The following ERP44 variants were observed in gnomAD, a reference collection of about 807,000 sequenced individuals.
ERP44 encodes the protein endoplasmic reticulum protein 44.
Under a neutral mutation model 53.4 loss-of-function variants are expected in ERP44, and 25 were observed. The observed-to-expected ratio is 0.47, with a 90% CI of 0.34 to 0.65. The LOEUF (loss-of-function observed/expected upper bound fraction) is 0.65, where lower values mean the gene tolerates loss of function less well. Among genes scored for constraint, ERP44 ranks in the 30% least tolerant of loss-of-function variants. The pLI is 0.01. For synonymous variants in ERP44, 145 were observed against 161.2 expected, an observed-to-expected ratio of 0.90 and a Z score of 0.76; for missense variants, 338 against 493.2, an observed-to-expected ratio of 0.69 and a Z score of 2.98.
intron 1 of ERP44, among the ~76,000 whole-genome samples, chr9:100,065,185 A>G (rs1826195470): frequency 6.6e-6 from 1 of 152,102 alleles, no homozygotes; most frequent in Non-Finnish European, 1.5e-5. Flanking sequence ...TATCTTTTAT[A>G]CTATATTTTT....
intron 3 of ERP44, among the ~76,000 whole-genome samples, chr9:100,055,459 G>T (rs1439185442): frequency 6.6e-6 from 1 of 152,112 alleles, no homozygotes; most frequent in African/African-American, 2.4e-5. Context: ...CGCAACCTCC[G>T]CCTGCTGGCT....
chr9:100,080,819 C>A (rs1826414108), intron 1 of ERP44, among the ~76,000 whole-genome samples: 1 of 152,000 alleles, frequency 6.6e-6, no homozygotes, highest in Non-Finnish European at 1.5e-5. Context: ...AGCTGCCTTG[C>A]AAACGTGGGT....
intron 4 of ERP44, among the ~76,000 whole-genome samples, chr9:100,035,124 T>C (rs780076433): frequency 1.3e-5 from 2 of 152,162 alleles, no homozygotes. Context: ...AAAAATCCTA[T>C]AAGAAAACCT....
chr9:100,061,748 C>T (rs1826152655), intron 1 of ERP44, among the ~76,000 whole-genome samples: 1 of 151,688 alleles, frequency 6.6e-6, no homozygotes, highest in South Asian at 2.1e-4. Flanking sequence ...TTATACTCTC[C>T]TAAAAGTAGG....
chr9:100,039,899 C>A (rs1360663512), intron 4 of ERP44, among the ~76,000 whole-genome samples: 4 of 152,026 alleles, frequency 2.6e-5, no homozygotes, highest in Admixed American at 2.0e-4. Flanking sequence ...CAACTATTTG[C>A]CAATAAATTG....
chr9:100,034,113 T>G (rs1236856685), intron 4 of ERP44, among the ~76,000 whole-genome samples: 5 of 151,958 alleles, frequency 3.3e-5, no homozygotes, highest in Non-Finnish European at 7.4e-5. Flanking sequence ...TCTCAGGAGG[T>G]TAGGCATTCT....
At chr9:100,019,549 C>T (rs1200301422) in intron 6 of ERP44, among the ~76,000 whole-genome samples, 1 of 151,702 alleles carries the variant, frequency 6.6e-6, no homozygotes, top group Admixed American at 6.6e-5. Flanking sequence ...TAGTCATGAG[C>T]CAATGAAAAG....
At position 100,077,421 on chromosome 9, in the gene ERP44, G is replaced by A. The variant is rs570019475; in HGVS notation, c.58-17249C>T. Among the ~76,000 whole-genome samples, 10 of 152,270 alleles carry A rather than the reference G, an allele frequency of 6.6e-5. No individual in the cohort carries two copies. In the East Asian group the frequency reaches 1.9e-3, roughly 29 times the overall value. ...GCCAACTAGGTGACAATACTTTGCA[G>A]GGCTCGGGCAAAGTTCTCCAGAAGG... On this transcript the variant is annotated intron_variant, in intron 1 of 11. Transcript: ENST00000262455.
intron 10 of ERP44, among the ~76,000 whole-genome samples, chr9:99,996,102 A>G (rs1564085524): frequency 6.6e-6 from 1 of 151,988 alleles, no homozygotes; most frequent in African/African-American, 2.4e-5. Flanking sequence ...GTTTGTCTCC[A>G]CCAAACCTCA....
intron 4 of ERP44, among the ~76,000 whole-genome samples, chr9:100,029,486 G>A (rs938618422): frequency 6.6e-6 from 1 of 152,176 alleles, no homozygotes; most frequent in African/African-American, 2.4e-5. Flanking sequence ...TTTCACCCCA[G>A]TTAGAATGGC....
At chr9:100,063,075 C>CAAAAAAAAAAAAAAAAAAAAA (rs58004954) in intron 1 of ERP44, among the ~76,000 whole-genome samples, 447 of 40,010 alleles carry the variant, frequency 0.011, 104 homozygotes, top group South Asian at 0.015. Flanking sequence ...CCCTGTCTCA[C>CAAAAAAAAAAAAAAAAAAAAA]AAAAAAAAAA....
At position 99,982,613 on chromosome 9, in the gene ERP44, T is replaced by C. The variant is rs770977169; in HGVS notation, c.1220A>G (p.Ter407=). ...YTLLRDRDEL[*] ...GCTTACAAACTGTTTTTCAAGTTTT[T>C]AAAGCTCATCTCGATCCCTCAATAG... Residue 407 remains the stop codon, a stop_retained_variant, in exon 12 of 12, where the codon TAA becomes TGA. Transcript: ENST00000262455. 1.3e-6 allele frequency: 2 copies of C among 1,527,870 alleles called. No homozygotes were observed. The highest frequency in any genetic ancestry group is 2.1e-5 in the Admixed American group (1 of 46,860). The allele number at this position is 1,527,870 out of a possible 1,614,324, so 94.6% of individuals were successfully genotyped here.
chr9:100,083,159 C>T (rs941634443), intron 1 of ERP44, among the ~76,000 whole-genome samples: 8 of 151,378 alleles, frequency 5.3e-5, no homozygotes, highest in African/African-American at 1.7e-4. Flanking sequence ...AAGGAAAAGA[C>T]AACATCCCAA....
intron 11 of ERP44, 91 bp from the exon 12 acceptor site, chr9:99,982,804 C>A: frequency 1.6e-6 from 1 of 611,882 alleles, no homozygotes; most frequent in Non-Finnish European, 2.6e-6. Flanking sequence ...AGTAGTTCCC[C>A]TATAATTATT....
chr9:100,011,453 A>C (rs1830475248), intron 8 of ERP44, among the ~76,000 whole-genome samples: 2 of 152,240 alleles, frequency 1.3e-5, no homozygotes, highest in African/African-American at 4.8e-5. Context: ...ATAGAAGGGT[A>C]TTATTCAATG....
At chr9:100,050,393 G>A (rs560693355) in intron 4 of ERP44, among the ~76,000 whole-genome samples, 6 of 151,972 alleles carry the variant, frequency 3.9e-5, no homozygotes, top group Non-Finnish European at 7.4e-5. Flanking sequence ...GCACTGATAC[G>A]TATATCAGTA....
intron 1 of ERP44, among the ~76,000 whole-genome samples, chr9:100,083,650 C>T (rs1587985036): frequency 6.6e-6 from 1 of 152,308 alleles, no homozygotes; most frequent in East Asian, 1.9e-4. Context: ...GAAGATGAGA[C>T]ACCTTCTACC....
intron 10 of ERP44, among the ~76,000 whole-genome samples, chr9:99,995,969 CATA>C (rs1830305914): frequency 6.9e-6 from 1 of 144,420 alleles, no homozygotes. Flanking sequence ...TACTGTTTTC[CATA>C]ATGACTATAC....
intron 10 of ERP44, among the ~76,000 whole-genome samples, chr9:100,002,664 CTCTTCTCTTGCTGCTTTCAGAA>C (rs1209071325): frequency 5.3e-5 from 8 of 152,034 alleles, no homozygotes; most frequent in African/African-American, 1.2e-4. Context: ...ATGTTATTTG[CTCTTCTCTTGCTGCTTTCAGAA>C]TCTTCTCTTG....
Sources: gnomAD v4.1 joint callset for allele counts (sites outside exome capture counted in the v4.1 genomes callset) on GRCh38, gnomAD v4.1.1 for gene constraint, MANE v1.5 for transcripts, NCBI Gene and HGNC (gene_info 2026-07-23, HGNC 2026-07-21) for gene names.